Variants in POLR3B observed in about 807,000 individuals in gnomAD.
POLR3B encodes RNA polymerase III subunit B.
In POLR3B, 96 loss-of-function variants were observed where a neutral mutation model predicts 147.4. The observed-to-expected ratio is 0.65, with a 90% CI of 0.55 to 0.77. The LOEUF is 0.77. Among genes scored for constraint, POLR3B ranks in the 30% least tolerant of loss-of-function variants. The pLI, the probability that POLR3B is intolerant of heterozygous loss-of-function variation, is 0.00. For synonymous variants in POLR3B, 461 were observed against 485.9 expected, an observed-to-expected ratio of 0.95 and a Z score of 0.67; for missense variants, 1,036 against 1,413.5, an observed-to-expected ratio of 0.73 and a Z score of 4.28.
intron 1 of POLR3B, chr12:106,358,211 C>T (rs1418033970): frequency 2.1e-6 from 3 of 1,411,018 alleles, no homozygotes; most frequent in Non-Finnish European, 2.8e-6. Flanking sequence ...GGTTGGAGCT[C>T]TTCCAGCATA....
intron 12 of POLR3B, among the ~76,000 whole-genome samples, chr12:106,415,838 G>A (rs2037295267): frequency 6.6e-6 from 1 of 152,108 alleles, no homozygotes; most frequent in African/African-American, 2.4e-5. Context: ...GCAGTGAAAA[G>A]TGACCCACCT....
chr12:106,421,139 C>T (rs1265209451), intron 12 of POLR3B, among the ~76,000 whole-genome samples: 5 of 151,334 alleles, frequency 3.3e-5, no homozygotes, highest in African/African-American at 1.2e-4. Context: ...TTCTGTTTTC[C>T]ATTGTGTCAA....
intron 27 of POLR3B, chr12:106,507,716 G>A (rs1335099416): frequency 2.2e-5 from 10 of 454,950 alleles, no homozygotes; most frequent in African/African-American, 4.0e-5. Context: ...ATTTGTGAGG[G>A]TTAGTCTTCT....
intron 9 of POLR3B, among the ~76,000 whole-genome samples, chr12:106,389,867 T>C (rs1231523260): frequency 2.0e-5 from 3 of 152,170 alleles, no homozygotes; most frequent in Admixed American, 1.3e-4. Flanking sequence ...GTGAATGGCC[T>C]CTGCACCCCG....
chr12:106,449,308 C>T (rs1015151293), intron 19 of POLR3B, among the ~76,000 whole-genome samples: 3 of 152,110 alleles, frequency 2.0e-5, no homozygotes, highest in East Asian at 1.9e-4. Context: ...GGCATGTTGG[C>T]GCTCAAAAAG....
chr12:106,481,649 A>G (rs1179255903), intron 23 of POLR3B, among the ~76,000 whole-genome samples: 2 of 152,164 alleles, frequency 1.3e-5, no homozygotes, highest in Admixed American at 6.5e-5. Flanking sequence ...CACTGATACC[A>G]CTGTGCCCAT....
chr12:106,393,069 G>A lies in POLR3B; in HGVS notation c.762G>A (p.Met254Ile), dbSNP rs753277030. The change falls in exon 10 of 28, where the codon ATG becomes ATA. Residue 254 changes from methionine (M) to isoleucine (I), a missense_variant. Physicochemically the swap from Met to Ile is conservative, Grantham distance 10. Coordinates refer to ENST00000228347, the MANE Select transcript of POLR3B (RefSeq NM_018082.6). ...AGAGTGACCAGGAAATTGTGCAGAT[G>A]ATTGGAACAGAGGAGCACGTGATGG... ...GVESDQEIVQ[M>I]IGTEEHVMAA... 5.0e-6 allele frequency: 8 copies of A among 1,614,206 alleles called. No homozygotes were observed. Among genetic ancestry groups the A allele is most frequent in the Non-Finnish European group, 6.8e-6 (8 of 1,180,016 alleles).
chr12:106,482,268 G>T (rs1035616028), intron 23 of POLR3B, among the ~76,000 whole-genome samples: 1 of 152,108 alleles, frequency 6.6e-6, no homozygotes, highest in Non-Finnish European at 1.5e-5. Context: ...AAAAATAATT[G>T]TATATGTTGT....
rs1204316347 is a variant in POLR3B at position 106,357,903 on chromosome 12, T to A, written c.24T>A (p.Phe8Leu). Residue 8 changes from phenylalanine to leucine, a missense_variant, in exon 1 of 28, where the codon TTT becomes TTA. This residue lies in a region of POLR3B where 150 missense variants were observed against 145.5 expected (regional missense o/e 1.03). Coordinates refer to ENST00000228347, the MANE Select transcript of POLR3B (RefSeq NM_018082.6). ...GCATGGACGTGCTAGCGGAGGAGTTTGGGAACCTGACTCCGGAGCAGCTGG... is the reference window on the plus strand; with the variant it reads ...GCATGGACGTGCTAGCGGAGGAGTTAGGGAACCTGACTCCGGAGCAGCTGG... MDVLAEE[F>L]GNLTPEQLAA... 6.2e-7 allele frequency: 1 copy of A among 1,613,628 alleles called. No homozygotes were observed. Among genetic ancestry groups the A allele is most frequent in the South Asian group, 1.1e-5 (1 of 91,034 alleles).
Position 106,509,449 on chromosome 12 carries a change from T to C in POLR3B, c.3302T>C (p.Val1101Ala), listed in dbSNP as rs771921629. 6 of 1,613,852 alleles carry C rather than the reference T, an allele frequency of 3.7e-6. No individual in the cohort carries two copies. The African/African-American group carries it at 6.7e-5, about 18-fold the overall frequency. Residue 1101 changes from valine (V) to alanine (A), a missense_variant, in exon 28 of 28, where the codon GTG becomes GCG. Val to Ala is a moderately conservative substitution (Grantham distance 64). Coordinates refer to ENST00000228347, the MANE Select transcript of POLR3B (RefSeq NM_018082.6). The stretch of plus-strand genomic sequence containing the variant: ...CATTACTGCAAGTCATCCTGCCACG[T>C]GTCTTCCCTCCGTATTCCGTATGCC... ...WCHYCKSSCH[V>A]SSLRIPYACK...
At chr12:106,457,345 G>A (rs776084194) in intron 21 of POLR3B, 49 bp downstream of exon 21, 18 of 1,447,718 alleles carry the variant, frequency 1.2e-5, no homozygotes, top group African/African-American at 2.8e-5. Flanking sequence ...GACATCATAT[G>A]TTATTCAATA....
At chr12:106,464,639 A>G (rs2037982293) in intron 23 of POLR3B, among the ~76,000 whole-genome samples, 1 of 152,118 alleles carries the variant, frequency 6.6e-6, no homozygotes, top group South Asian at 2.1e-4. Context: ...GATCATTAAC[A>G]TTGACCATCT....
At chr12:106,451,326 T>C (rs544594596) in intron 19 of POLR3B, among the ~76,000 whole-genome samples, 1 of 152,126 alleles carries the variant, frequency 6.6e-6, no homozygotes, top group East Asian at 1.9e-4. Flanking sequence ...TTCAATAATG[T>C]TGATTTAAAA....
intron 25 of POLR3B, among the ~76,000 whole-genome samples, chr12:106,497,419 C>T (rs1261900941): frequency 2.0e-5 from 3 of 151,962 alleles, no homozygotes; most frequent in Non-Finnish European, 4.4e-5. Flanking sequence ...TGGTGGATCG[C>T]CCAGGAGTTT....
At chr12:106,393,799 C>CAA (rs2036947009) in intron 10 of POLR3B, among the ~76,000 whole-genome samples, 1 of 151,710 alleles carries the variant, frequency 6.6e-6, no homozygotes, top group Non-Finnish European at 1.5e-5. Context: ...CACACACACA[C>CAA]ACACACCCCA....
At chr12:106,395,315 C>T (rs2036964917) in intron 10 of POLR3B, among the ~76,000 whole-genome samples, 1 of 152,190 alleles carries the variant, frequency 6.6e-6, no homozygotes, top group African/African-American at 2.4e-5. Flanking sequence ...GAACCAAAAC[C>T]TGCTTCTGGG....
intron 1 of POLR3B, among the ~76,000 whole-genome samples, chr12:106,363,077 C>T (rs2036490354): frequency 6.6e-6 from 1 of 152,132 alleles, no homozygotes. Flanking sequence ...GCCTCCTGCT[C>T]CTCCTCTCTG....
intron 10 of POLR3B, among the ~76,000 whole-genome samples, chr12:106,395,463 AC>A (rs1441207058): frequency 2.6e-5 from 4 of 152,032 alleles, no homozygotes; most frequent in Non-Finnish European, 4.4e-5. Context: ...GGGAAAACTC[AC>A]TATCAGGAGG....
At chr12:106,481,839 T>G (rs1349124414) in intron 23 of POLR3B, among the ~76,000 whole-genome samples, 1 of 152,238 alleles carries the variant, frequency 6.6e-6, no homozygotes, top group Non-Finnish European at 1.5e-5. Context: ...TCAATGCAAC[T>G]TATAGAACTG....
Sources: gnomAD v4.1 joint callset for allele counts (sites outside exome capture counted in the v4.1 genomes callset) on GRCh38, gnomAD v4.1.1 for gene constraint, gnomAD v4.1.1 regional missense constraint, MANE v1.5 for transcripts, NCBI Gene and HGNC (gene_info 2026-07-23, HGNC 2026-07-21) for gene names.